H4C7: variants seen among roughly 807,000 people sequenced by gnomAD.
H4C7 encodes the protein histone H4-like protein type G.
A neutral mutation model predicts 5.2 loss-of-function variants in H4C7; 7 were observed. The ratio of observed to expected loss-of-function variants is 1.34; its 90% CI spans 0.76 to 2.52. The LOEUF (loss-of-function observed/expected upper bound fraction) is 2.52, where lower values mean the gene tolerates loss of function less well. Ranked by LOEUF, H4C7 falls within the 30% of genes most tolerant of loss-of-function variation. H4C7 has a pLI of 0.00. For synonymous variants in H4C7, 69 were observed against 57.5 expected, an observed-to-expected ratio of 1.20 and a Z score of -0.90; for missense variants, 148 against 138.4, an observed-to-expected ratio of 1.07 and a Z score of -0.35.
rs748507141 is a variant in H4C7 at position 26,246,945 on chromosome 6, A to G, written c.33T>C (p.Leu11=). The G allele has an allele frequency of 1.9e-6, 3 of 1,601,464 alleles. No individual in the cohort carries two copies. Among genetic ancestry groups the G allele is most frequent in the Non-Finnish European group, 2.6e-6 (3 of 1,169,468 alleles). Reference sequence around the variant, plus strand: ...GATGGCACTTGGCACCGCCTTTCCCAAGGCCTTTTCCGGCCTTGCCCCGAA... The same window carrying G: ...GATGGCACTTGGCACCGCCTTTCCCGAGGCCTTTTCCGGCCTTGCCCCGAA... MSVRGKAGKG[L]GKGGAKCHRK... The change falls in exon 1 of 1, where the codon CTT becomes CTC. Residue 11 remains leucine, a synonymous_variant. Transcript: ENST00000611444.
rs1402498014 is a variant in H4C7 at position 26,246,699 on chromosome 6, G to A, written c.279C>T (p.Arg93=). 1 of 1,597,334 alleles carries A rather than the reference G, an allele frequency of 6.3e-7. No homozygotes were observed. Among genetic ancestry groups the A allele is most frequent in the Non-Finnish European group, 8.6e-7 (1 of 1,167,234 alleles). The change falls in exon 1 of 1, where the codon CGC becomes CGT. Residue 93 remains arginine (R), a synonymous_variant. Transcript: ENST00000611444. ...TAMAVVYVLK[R]QGRTL is the part of the protein sequence containing the mutation. ...CAAAGCCTTACAGGGTTCTTCCCTG[G>A]CGTTTGAGCACGTAGACCACGGCCA... is the stretch of plus-strand genomic sequence containing the variant.
In H4C7 at chr6:26,246,636, A is replaced by G. The variant is rs1423117841; in HGVS notation, c.*45T>C. The G allele has an allele frequency of 3.3e-6, 5 of 1,519,096 alleles. No individual in the cohort carries two copies. Among genetic ancestry groups the G allele is most frequent in the Non-Finnish European group, 4.4e-6 (5 of 1,129,268 alleles). 94.1% of individuals were successfully genotyped at this position (1,519,096 alleles called of 1,614,324 possible). A position where few individuals can be genotyped will look rare whatever the true frequency, so the allele number is the denominator to read the frequency against. On this transcript the variant is annotated 3_prime_UTR_variant, in exon 1 of 1. Transcript: ENST00000611444. ...TACGCGGCCCTGAAAAGGGCCATTA[A>G]CGATATTGCAAGGAAAGGCCTGGCC...
In H4C7 at chr6:26,246,806, C is replaced by T; in HGVS notation, c.172G>A (p.Val58Met). Residue 58 changes from valine to methionine, a missense_variant, in exon 1 of 1, where the codon GTG becomes ATG. By Grantham distance (21) the Val-to-Met change is conservative. Coordinates refer to ENST00000611444, the MANE Select transcript of H4C7 (RefSeq NM_003547.3). ...ACATTTTCCAGGAACACCTTGAACA[C>T]CCGGCGGGTCTCCTCATAAATGAGG... ...LGLIYEETRR[V>M]FKVFLENVIW... 1.9e-6 allele frequency: 3 copies of T among 1,614,198 alleles called. No individual in the cohort carries two copies. The highest frequency in any genetic ancestry group is 1.7e-5 in the Admixed American group (1 of 60,028).
rs139325038 is a variant in H4C7, at chr6:26,246,828, G to A, written c.150C>T (p.Leu50=). 6.6e-4 allele frequency: 1,060 copies of A among 1,614,186 alleles called. No homozygotes were observed. The highest frequency in any genetic ancestry group is 2.1e-3 in the Middle Eastern group (13 of 6,060). The change falls in exon 1 of 1, where the codon CTC becomes CTT. Residue 50 remains leucine, a synonymous_variant. Coordinates refer to ENST00000611444, the MANE Select transcript of H4C7 (RefSeq NM_003547.3). The stretch of plus-strand genomic sequence containing the variant: ...ACACCCGGCGGGTCTCCTCATAAAT[G>A]AGGCCCAAGATGCGCTTGACACCGC... The part of the protein sequence containing the change: ...RHGGVKRILG[L]IYEETRRVFK...
Position 26,246,688 on chromosome 6 carries a change from GTTC to G in H4C7, c.287_289del (p.Arg96del). ...CACTTAACCGCCAAAGCCTTACAGG[GTTC>G]TTCCCTGGCGTTTGAGCACGTAGAC... On this transcript the variant is annotated inframe_deletion, in exon 1 of 1. Coordinates refer to ENST00000611444, the MANE Select transcript of H4C7 (RefSeq NM_003547.3). 1 of 1,591,758 alleles carries G rather than the reference GTTC, an allele frequency of 6.3e-7. No homozygotes were observed. The highest frequency in any genetic ancestry group is 8.6e-7 in the Non-Finnish European group (1 of 1,163,720).
Position 26,246,799 on chromosome 6 carries a change from T to G in H4C7, c.179A>C (p.Lys60Thr). The part of the protein sequence containing the change: ...LIYEETRRVF[K>T]VFLENVIWYA... ...CCAGATCACATTTTCCAGGAACACC[T>G]TGAACACCCGGCGGGTCTCCTCATA... Residue 60 changes from lysine (K) to threonine (T), a missense_variant, in exon 1 of 1, where the codon AAG (lysine) becomes ACG (threonine). Coordinates refer to ENST00000611444, the MANE Select transcript of H4C7 (RefSeq NM_003547.3). 1 of 1,614,024 alleles carries G rather than the reference T, an allele frequency of 6.2e-7. No individual in the cohort carries two copies. The highest frequency in any genetic ancestry group is 2.2e-5 in the East Asian group (1 of 44,880).
chr6:26,246,939 T>C lies in H4C7; in HGVS notation c.39A>G (p.Lys13=), dbSNP rs774621931. 1 of 1,603,000 alleles carries C rather than the reference T, an allele frequency of 6.2e-7. No individual in the cohort carries two copies. Among genetic ancestry groups the C allele is most frequent in the South Asian group, 1.1e-5 (1 of 90,900 alleles). The change falls in exon 1 of 1, where the codon AAA becomes AAG. Residue 13 remains lysine (K), a synonymous_variant. Coordinates refer to ENST00000611444, the MANE Select transcript of H4C7 (RefSeq NM_003547.3). ...VRGKAGKGLG[K]GGAKCHRKVL... ...CCTTGCGATGGCACTTGGCACCGCC[T>C]TTCCCAAGGCCTTTTCCGGCCTTGC...
chr6:26,246,691 C>A lies in H4C7; in HGVS notation c.287G>T (p.Arg96Ile). Residue 96 changes from arginine (R) to isoleucine (I), a missense_variant, in exon 1 of 1, where the codon AGA becomes ATA. Transcript: ENST00000611444. ...AVVYVLKRQG[R>I]TL Reference sequence around the variant, plus strand: ...TTAACCGCCAAAGCCTTACAGGGTTCTTCCCTGGCGTTTGAGCACGTAGAC... The same window carrying A: ...TTAACCGCCAAAGCCTTACAGGGTTATTCCCTGGCGTTTGAGCACGTAGAC... 2 of 1,592,496 alleles carry A rather than the reference C, an allele frequency of 1.3e-6. No individual in the cohort carries two copies. Among genetic ancestry groups the A allele is most frequent in the Middle Eastern group, 1.7e-4 (1 of 5,980 alleles).
chr6:26,246,834 C>T lies in H4C7; in HGVS notation c.144G>A (p.Leu48=), dbSNP rs1759968832. The change falls in exon 1 of 1, where the codon TTG becomes TTA. Residue 48 remains leucine, a synonymous_variant. Transcript: ENST00000611444. ...GGCGGGTCTCCTCATAAATGAGGCC[C>T]AAGATGCGCTTGACACCGCCATGCC... The part of the protein sequence containing the change: ...LARHGGVKRI[L]GLIYEETRRV... The T allele has an allele frequency of 5.0e-6, 8 of 1,614,050 alleles. No homozygotes were observed. The highest frequency in any genetic ancestry group is 6.8e-6 in the Non-Finnish European group (8 of 1,180,020).
At position 26,246,827 on chromosome 6, in the gene H4C7, T is replaced by C. The variant is rs370289402; in HGVS notation, c.151A>G (p.Ile51Val). The C allele has an allele frequency of 8.2e-5, 132 of 1,614,152 alleles. No individual in the cohort carries two copies. The Middle Eastern group carries it at 3.0e-3, about 36-fold the overall frequency. ...HGGVKRILGLIYEETRRVFKV... is the reference protein window; with the variant it reads ...HGGVKRILGLVYEETRRVFKV... ...AACACCCGGCGGGTCTCCTCATAAA[T>C]GAGGCCCAAGATGCGCTTGACACCG... Residue 51 changes from isoleucine to valine, a missense_variant, in exon 1 of 1, where the codon ATT (isoleucine) becomes GTT (valine). Ile to Val is a conservative substitution (Grantham distance 29). Transcript: ENST00000611444.
Position 26,246,956 on chromosome 6 carries a change from C to T in H4C7, c.22G>A (p.Gly8Arg), listed in dbSNP as rs201241505. Residue 8 changes from glycine to arginine, a missense_variant, in exon 1 of 1, where the codon GGA (glycine) becomes AGA (arginine). Coordinates refer to ENST00000611444, the MANE Select transcript of H4C7 (RefSeq NM_003547.3). ...GCACCGCCTTTCCCAAGGCCTTTTCCGGCCTTGCCCCGAACAGACATGATA... is the reference window on the plus strand; with the variant it reads ...GCACCGCCTTTCCCAAGGCCTTTTCTGGCCTTGCCCCGAACAGACATGATA... MSVRGKA[G>R]KGLGKGGAKC... is the part of the protein sequence containing the mutation. 4 of 1,599,740 alleles carry T rather than the reference C, an allele frequency of 2.5e-6. No individual in the cohort carries two copies. The highest frequency in any genetic ancestry group is 2.7e-5 in the African/African-American group (2 of 74,724).
Position 26,246,906 on chromosome 6 carries a change from G to A in H4C7, c.72C>T (p.Ser24=). The A allele has an allele frequency of 2.5e-6, 4 of 1,612,758 alleles. No individual in the cohort carries two copies. The highest frequency in any genetic ancestry group is 3.4e-6 in the Non-Finnish European group (4 of 1,178,852). Residue 24 remains serine, a synonymous_variant, in exon 1 of 1, where the codon AGC becomes AGT. Transcript: ENST00000611444. ...GGAKCHRKVL[S]DNIQGITKCT... ...ACTTGGTAATGCCCTGAATATTATC[G>A]CTCAGTACCTTGCGATGGCACTTGG...
rs760797834 is a variant in H4C7, at chr6:26,246,673, C to T, written c.*8G>A. 1 of 1,570,432 alleles carries T rather than the reference C, an allele frequency of 6.4e-7. No individual in the cohort carries two copies. ...GGAAAGGCCTGGCCTCACTTAACCG[C>T]CAAAGCCTTACAGGGTTCTTCCCTG... On this transcript the variant is annotated 3_prime_UTR_variant, in exon 1 of 1. Transcript: ENST00000611444.
rs749855356 is a variant in H4C7, at chr6:26,246,911, G to T, written c.67C>A (p.Leu23Met). 3.7e-6 allele frequency: 6 copies of T among 1,610,154 alleles called. No homozygotes were observed. The East Asian group carries it at 1.3e-4, about 36-fold the overall frequency. ...GTAATGCCCTGAATATTATCGCTCA[G>T]TACCTTGCGATGGCACTTGGCACCG... ...KGGAKCHRKVLSDNIQGITKC... is the reference protein window; with the variant it reads ...KGGAKCHRKVMSDNIQGITKC... The change falls in exon 1 of 1, where the codon CTG becomes ATG. Residue 23 changes from leucine (L) to methionine (M), a missense_variant. By Grantham distance (15) the Leu-to-Met change is conservative. Coordinates refer to ENST00000611444, the MANE Select transcript of H4C7 (RefSeq NM_003547.3).
chr6:26,246,661 C>A lies in H4C7; in HGVS notation c.*20G>T. The A allele has an allele frequency of 6.4e-7, 1 of 1,553,538 alleles. No homozygotes were observed. The highest frequency in any genetic ancestry group is 8.7e-7 in the Non-Finnish European group (1 of 1,144,298). On this transcript the variant is annotated 3_prime_UTR_variant, in exon 1 of 1. Coordinates refer to ENST00000611444, the MANE Select transcript of H4C7 (RefSeq NM_003547.3). Reference sequence around the variant, plus strand: ...ACGATATTGCAAGGAAAGGCCTGGCCTCACTTAACCGCCAAAGCCTTACAG... The same window carrying A: ...ACGATATTGCAAGGAAAGGCCTGGCATCACTTAACCGCCAAAGCCTTACAG...
chr6:26,246,908 T>A lies in H4C7; in HGVS notation c.70A>T (p.Ser24Cys), dbSNP rs756116937. ...TTGGTAATGCCCTGAATATTATCGC[T>A]CAGTACCTTGCGATGGCACTTGGCA... The part of the protein sequence containing the change: ...GGAKCHRKVL[S>C]DNIQGITKCT... Residue 24 changes from serine to cysteine, a missense_variant, in exon 1 of 1, where the codon AGC (serine) becomes TGC (cysteine). Ser to Cys is a moderately radical substitution (Grantham distance 112, BLOSUM62 -1). Transcript: ENST00000611444. 3.7e-6 allele frequency: 6 copies of A among 1,612,620 alleles called. No individual in the cohort carries two copies. In the African/African-American group the frequency reaches 8.0e-5, roughly 22 times the overall value.
In H4C7 at chr6:26,246,852, G is replaced by A. The variant is rs745917695; in HGVS notation, c.126C>T (p.Gly42=). ...KCTIRRLARH[G]GVKRILGLIY... ...TGAGGCCCAAGATGCGCTTGACACC[G>A]CCATGCCGGGCCAAGCGCCGGATAG... The change falls in exon 1 of 1, where the codon GGC becomes GGT. Residue 42 remains glycine (G), a synonymous_variant. Coordinates refer to ENST00000611444, the MANE Select transcript of H4C7 (RefSeq NM_003547.3). The A allele has an allele frequency of 1.2e-6, 2 of 1,614,134 alleles. No homozygotes were observed. Among genetic ancestry groups the A allele is most frequent in the East Asian group, 2.2e-5 (1 of 44,864 alleles).
Position 26,246,992 on chromosome 6 carries a change from A to T in H4C7, c.-15T>A. ...CGAACAGACATGATAAACAAGTCAG[A>T]ACTATCTCTAAACAAAACGATTACT... is the stretch of plus-strand genomic sequence containing the variant. On this transcript the variant is annotated 5_prime_UTR_variant, in exon 1 of 1. Transcript: ENST00000611444. The T allele has an allele frequency of 6.4e-7, 1 of 1,566,826 alleles. No homozygotes were observed. Among genetic ancestry groups the T allele is most frequent in the Non-Finnish European group, 8.7e-7 (1 of 1,150,848 alleles).
chr6:26,246,984 C>G lies in H4C7; in HGVS notation c.-7G>C. 6.3e-7 allele frequency: 1 copy of G among 1,575,316 alleles called. No individual in the cohort carries two copies. Among genetic ancestry groups the G allele is most frequent in the South Asian group, 1.1e-5 (1 of 88,142 alleles). ...CCTTGCCCCGAACAGACATGATAAACAAGTCAGAACTATCTCTAAACAAAA... is the reference window on the plus strand; with the variant it reads ...CCTTGCCCCGAACAGACATGATAAAGAAGTCAGAACTATCTCTAAACAAAA... On this transcript the variant is annotated 5_prime_UTR_variant, in exon 1 of 1. Transcript: ENST00000611444.
Sources: gnomAD v4.1 joint callset for allele counts on GRCh38, gnomAD v4.1.1 for gene constraint, MANE v1.5 for transcripts, NCBI Gene and HGNC (gene_info 2026-07-23, HGNC 2026-07-21) for gene names.